The following PER2 variants were observed in gnomAD, a reference collection of about 807,000 sequenced individuals.
PER2 encodes period circadian protein homolog 2.
In PER2, 66 loss-of-function variants were observed where a neutral mutation model predicts 121.0. That is an observed-to-expected ratio of 0.55 (90% CI 0.45 to 0.67). The LOEUF is 0.67. Among genes scored for constraint, PER2 ranks in the 30% least tolerant of loss-of-function variants. PER2 has a pLI of 0.00. For synonymous variants in PER2, 684 were observed against 659.9 expected, an observed-to-expected ratio of 1.04 and a Z score of -0.56; for missense variants, 1,521 against 1,635.0, an observed-to-expected ratio of 0.93 and a Z score of 1.20.
At position 238,245,482 on chromosome 2, in the gene PER2, G is replaced by A. The variant is rs1034217508; in HGVS notation, c.*893C>T. 2.5e-6 allele frequency: 1 copy of A among 398,190 alleles called. No homozygotes were observed. The highest frequency in any genetic ancestry group is 2.1e-5 in the African/African-American group (1 of 48,614). 24.7% of individuals were successfully genotyped at this position (398,190 alleles called of 1,614,324 possible). ...ATGTGGGCTTGGCTGGGTGGAAGCA[G>A]ATGTCTGGGTGGTTCCAACGGAAGA... On this transcript the variant is annotated 3_prime_UTR_variant, in exon 23 of 23. Transcript: ENST00000254657.
At chr2:238,246,786 G>A (rs911904093) in intron 22 of PER2, among the ~76,000 whole-genome samples, 1 of 152,240 alleles carries the variant, frequency 6.6e-6, no homozygotes, top group Admixed American at 6.5e-5. Context: ...TGAGGCAGAA[G>A]AATCGCTTGA....
rs752339756 is a variant in PER2 at position 238,277,820 on chromosome 2, A to C, written c.117T>G (p.Ser39Arg). 9.3e-6 allele frequency: 15 copies of C among 1,614,058 alleles called. No homozygotes were observed. The Admixed American group carries it at 2.5e-4, about 27-fold the overall frequency. The change falls in exon 2 of 23, where the codon AGT (serine) becomes AGG (arginine). Residue 39 changes from serine to arginine, a missense_variant. Ser to Arg is a moderately radical substitution (Grantham distance 110, BLOSUM62 -1). Coordinates refer to ENST00000254657, the MANE Select transcript of PER2 (RefSeq NM_022817.3). The stretch of plus-strand genomic sequence containing the variant: ...AGCAGTTTTCGTTGGTCTCATGTCC[A>C]CTGGAGCCACTGCTCATGTCCACAT... The part of the protein sequence containing the change: ...QEDVDMSSGS[S>R]GHETNENCST...
intron 22 of PER2, among the ~76,000 whole-genome samples, chr2:238,247,903 C>T (rs1408445767): frequency 6.6e-6 from 1 of 152,230 alleles, no homozygotes; most frequent in Non-Finnish European, 1.5e-5. Context: ...GCAGTGAGTG[C>T]AGCTTCGAGG....
chr2:238,284,823 G>A (rs1015333859), intron 1 of PER2, among the ~76,000 whole-genome samples: 2 of 152,188 alleles, frequency 1.3e-5, no homozygotes, highest in African/African-American at 2.4e-5. Context: ...CAGAAACTTC[G>A]TCATTCCAGA....
intron 20 of PER2, 101 bp from the exon 21 acceptor site, chr2:238,250,844 T>C (rs1695578744): frequency 1.2e-6 from 1 of 814,782 alleles, no homozygotes; most frequent in African/African-American, 1.7e-5. Flanking sequence ...GAGAGCCCAG[T>C]GCCTTCTTAG....
At chr2:238,260,499 G>A (rs1215785539) in intron 13 of PER2, among the ~76,000 whole-genome samples, 3 of 152,126 alleles carry the variant, frequency 2.0e-5, no homozygotes, top group Admixed American at 6.5e-5. Context: ...TAGGTGATCC[G>A]CCTGCCTCGG....
In PER2 at chr2:238,260,714, C is replaced by T. The variant is rs1695899764; in HGVS notation, c.1542+114G>A. 5 of 1,154,760 alleles carry T rather than the reference C, an allele frequency of 4.3e-6. No individual in the cohort carries two copies. In the East Asian group the frequency reaches 7.1e-5, roughly 16 times the overall value. 71.5% of individuals were successfully genotyped at this position (1,154,760 alleles called of 1,614,324 possible). ...ACAAAGTTTAGAAAGGAAGCAGCAACAGCTGCAATCAGGAAGCCCCTCCTA... is the reference window on the plus strand; with the variant it reads ...ACAAAGTTTAGAAAGGAAGCAGCAATAGCTGCAATCAGGAAGCCCCTCCTA... On this transcript the variant is annotated intron_variant, in intron 13 of 22. Transcript: ENST00000254657.
rs145814490 is a variant in PER2, at chr2:238,250,663, T to G, written c.3355A>C (p.Thr1119Pro). 6.2e-7 allele frequency: 1 copy of G among 1,613,306 alleles called. No individual in the cohort carries two copies. The highest frequency in any genetic ancestry group is 1.3e-5 in the African/African-American group (1 of 75,062). The part of the protein sequence containing the change: ...SENNHKAKMN[T>P]GMEESEHFIK... ...AAATGCTCACTTTCTTCCATACCAGTGTTCATTTTTGCTTTGTGATTATTC... is the reference window on the plus strand; with the variant it reads ...AAATGCTCACTTTCTTCCATACCAGGGTTCATTTTTGCTTTGTGATTATTC... Residue 1119 changes from threonine to proline, a missense_variant, in exon 21 of 23, where the codon ACT (threonine) becomes CCT (proline). Physicochemically the swap from Thr to Pro is conservative, Grantham distance 38. Transcript: ENST00000254657.
In PER2 at chr2:238,272,957, G is replaced by C. The variant is rs147307310; in HGVS notation, c.570+113C>G. On this transcript the variant is annotated intron_variant, in intron 5 of 22. Transcript: ENST00000254657. ...TCCTTTTAAAGGTAGGAACTTATCTGCTGAAACCCCAAACACTCCTGCCTT... is the reference window on the plus strand; with the variant it reads ...TCCTTTTAAAGGTAGGAACTTATCTCCTGAAACCCCAAACACTCCTGCCTT... The C allele has an allele frequency of 3.8e-4, 360 of 957,758 alleles. 3 individuals are homozygous for C. The East Asian group carries it at 8.5e-3, about 23-fold the overall frequency. The allele number at this position is 957,758 out of a possible 1,614,324, so 59.3% of individuals were successfully genotyped here. A position where few individuals can be genotyped will look rare whatever the true frequency, so the allele number is the denominator to read the frequency against.
chr2:238,276,049 C>T lies in PER2; in HGVS notation c.294-152G>A, dbSNP rs532762470. ...GGGGCTCTGTAGATTTTCTCAGCCT[C>T]GGCTCTAGAGATGTTCTGGTCTGGG... On this transcript the variant is annotated intron_variant, in intron 3 of 22. Transcript: ENST00000254657. The T allele has an allele frequency of 1.6e-4, 94 of 589,702 alleles. No individual in the cohort carries two copies. The East Asian group carries it at 2.4e-3, about 15-fold the overall frequency. The allele number at this position is 589,702 out of a possible 1,614,324, so 36.5% of individuals were successfully genotyped here. A position where few individuals can be genotyped will look rare whatever the true frequency, so the allele number is the denominator to read the frequency against.
intron 14 of PER2, 85 bp downstream of exon 14, chr2:238,259,884 G>A: frequency 1.4e-6 from 1 of 717,268 alleles, no homozygotes; most frequent in Non-Finnish European, 2.5e-6. Flanking sequence ...CTGCCAGCCA[G>A]AGTCAGCATT....
At chr2:238,269,787 A>G (rs1452083841) in intron 6 of PER2, among the ~76,000 whole-genome samples, 1 of 152,280 alleles carries the variant, frequency 6.6e-6, no homozygotes, top group African/African-American at 2.4e-5. Flanking sequence ...ACATTGACAA[A>G]GAAAGCTGTG....
Position 238,288,404 on chromosome 2 carries a change from G to C in PER2, c.-75C>G, listed in dbSNP as rs1445265069. ...GCGGGGGTTCGAGTCCCCAACCCTC[G>C]GTGTCACCGCAGTTCAAACGAGCGC... On this transcript the variant is annotated 5_prime_UTR_variant, in exon 1 of 23. Coordinates refer to ENST00000254657, the MANE Select transcript of PER2 (RefSeq NM_022817.3). 6.6e-6 allele frequency: 1 copy of C among 152,292 alleles called. No individual in the cohort carries two copies. The highest frequency in any genetic ancestry group is 1.5e-5 in the Non-Finnish European group (1 of 68,116). 9.4% of individuals were successfully genotyped at this position (152,292 alleles called of 1,614,324 possible).
chr2:238,252,065 C>T lies in PER2; in HGVS notation c.3112-304G>A, dbSNP rs1695620202. 6.6e-6 allele frequency among the ~76,000 whole-genome samples: 1 copy of T among 152,202 alleles called. No homozygotes were observed. Among genetic ancestry groups the T allele is most frequent in the South Asian group, 2.1e-4 (1 of 4,838 alleles). On this transcript the variant is annotated intron_variant, in intron 19 of 22. Coordinates refer to ENST00000254657, the MANE Select transcript of PER2 (RefSeq NM_022817.3). This position sits in a 1 kb window ranked among gnomAD's most constrained non-coding sequence, Gnocchi z 4.2. The stretch of plus-strand genomic sequence containing the variant: ...CCTCAGGCTGCTCCTTGGCCACAGC[C>T]CCCTCCTCACATGCAGCAGACATGG...
At chr2:238,249,020 G>A in intron 22 of PER2, 42 bp downstream of exon 22, 1 of 1,598,972 alleles carries the variant, frequency 6.3e-7, no homozygotes, top group Non-Finnish European at 8.6e-7. Flanking sequence ...CCATCACAGA[G>A]CCTTTTAGGG....
chr2:238,253,780 G>A lies in PER2; in HGVS notation c.2321-78C>T. ...GACACCTCTTCGTTCAACAGTCCTG[G>A]GTTTCCAAATGCTGGCCCAGGGCCT... is the stretch of plus-strand genomic sequence containing the variant. On this transcript the variant is annotated intron_variant, in intron 18 of 22. Transcript: ENST00000254657. This position sits in a 1 kb window ranked among gnomAD's most constrained non-coding sequence, Gnocchi z 5.6. The A allele has an allele frequency of 2.5e-6, 3 of 1,185,416 alleles. No individual in the cohort carries two copies. Among genetic ancestry groups the A allele is most frequent in the Non-Finnish European group, 3.6e-6 (3 of 826,850 alleles). The allele number at this position is 1,185,416 out of a possible 1,614,324, so 73.4% of individuals were successfully genotyped here.
chr2:238,253,531 C>G lies in PER2; in HGVS notation c.2492G>C (p.Trp831Ser). The G allele has an allele frequency of 6.2e-7, 1 of 1,611,264 alleles. No homozygotes were observed. The highest frequency in any genetic ancestry group is 1.1e-5 in the South Asian group (1 of 90,810). The change falls in exon 19 of 23, where the codon TGG becomes TCG. Residue 831 changes from tryptophan to serine, a missense_variant. Transcript: ENST00000254657. This position sits in a 1 kb window ranked among gnomAD's most constrained non-coding sequence, Gnocchi z 5.6. ...PPLVGLNATA[W>S]SPSDTSQSSC... Reference sequence around the variant, plus strand: ...GGACTGGGACGTGTCTGAGGGTGACCAGGCTGTGGCGTTCAAGCCCACCAG... The same window carrying G: ...GGACTGGGACGTGTCTGAGGGTGACGAGGCTGTGGCGTTCAAGCCCACCAG...
intron 17 of PER2, 130 bp from the exon 18 acceptor site, chr2:238,256,041 G>GA: frequency 8.7e-7 from 1 of 1,155,350 alleles, no homozygotes; most frequent in Non-Finnish European, 1.3e-6. Flanking sequence ...GCATGAGGAT[G>GA]AGACTCACAG....
Position 238,245,166 on chromosome 2 carries a change from T to A in PER2, c.*1209A>T, listed in dbSNP as rs1695414058. 1 of 167,030 alleles carries A rather than the reference T, an allele frequency of 6.0e-6. No homozygotes were observed. Among genetic ancestry groups the A allele is most frequent in the African/African-American group, 2.4e-5 (1 of 42,000 alleles). 10.3% of individuals were successfully genotyped at this position (167,030 alleles called of 1,614,324 possible). A position where few individuals can be genotyped will look rare whatever the true frequency, so the allele number is the denominator to read the frequency against. On this transcript the variant is annotated 3_prime_UTR_variant, in exon 23 of 23. Transcript: ENST00000254657. ...TTTGAATTTCCACCAGGGACCAATA[T>A]TAAATTTTCTGAACCATCTTTGGAA...
Sources: gnomAD v4.1 joint callset for allele counts (sites outside exome capture counted in the v4.1 genomes callset) on GRCh38, gnomAD v4.1.1 for gene constraint, Gnocchi (gnomAD v3.1) non-coding constraint, MANE v1.5 for transcripts, NCBI Gene and HGNC (gene_info 2026-07-23, HGNC 2026-07-21) for gene names.